The following PRIM2 variants were observed in gnomAD, a reference collection of about 807,000 sequenced individuals.
PRIM2 encodes the protein DNA primase large subunit.
In PRIM2, 39 loss-of-function variants were observed where a neutral mutation model predicts 67.3. The ratio of observed to expected loss-of-function variants is 0.58; its 90% CI spans 0.45 to 0.76. PRIM2 has a LOEUF of 0.76. Ranked by LOEUF, PRIM2 falls within the 30% of genes least tolerant of loss-of-function variation. The probability of loss-of-function intolerance (pLI) is 0.00; values close to 1 mark genes in which losing one functional copy is unlikely to be tolerated. For missense variants in PRIM2, 398 were observed against 598.7 expected (o/e 0.66, Z 3.50); for synonymous variants, 143 against 198.7 (o/e 0.72, Z 2.36).
chr6:57,286,507 A>G, the PRIM2 span, among the ~76,000 whole-genome samples: 22 of 152,218 alleles, frequency 1.4e-4, no homozygotes, highest in African/African-American at 5.1e-4. Flanking sequence ...AACAATGGGG[A>G]AAAGATTCCC....
chr6:57,282,761 A>C, the PRIM2 span, among the ~76,000 whole-genome samples: 4 of 152,304 alleles, frequency 2.6e-5, no homozygotes, highest in Non-Finnish European at 4.4e-5. Context: ...GTGCAAAAGA[A>C]ACCAAACCTA....
intron 10 of PRIM2, among the ~76,000 whole-genome samples, chr6:57,550,393 T>A (rs1449921659): frequency 6.6e-6 from 1 of 152,148 alleles, no homozygotes; most frequent in Non-Finnish European, 1.5e-5. Context: ...AGGTTGGGCT[T>A]GCTTTCATGA....
intron 7 of PRIM2, among the ~76,000 whole-genome samples, chr6:57,401,555 T>C (rs1260079230): frequency 6.6e-6 from 1 of 152,208 alleles, no homozygotes; most frequent in Non-Finnish European, 1.5e-5. Flanking sequence ...GTGCTGGCTG[T>C]AGATTGCAGC....
At chr6:57,428,926 T>G (rs1771725523) in intron 7 of PRIM2, among the ~76,000 whole-genome samples, 1 of 152,166 alleles carries the variant, frequency 6.6e-6, no homozygotes, top group Non-Finnish European at 1.5e-5. Context: ...TCTATGAACC[T>G]TTACCACATG....
chr6:57,345,029 A>T (rs1473853840), intron 5 of PRIM2, among the ~76,000 whole-genome samples: 5 of 146,884 alleles, frequency 3.4e-5, no homozygotes, highest in Non-Finnish European at 7.5e-5. Context: ...TTGTATTCTT[A>T]TTGTTGATGG....
At chr6:57,500,383 C>T (rs1360605289) in intron 7 of PRIM2, among the ~76,000 whole-genome samples, 4 of 152,122 alleles carry the variant, frequency 2.6e-5, no homozygotes, top group Admixed American at 6.5e-5. Flanking sequence ...GTAGAACATT[C>T]GTGTATTTAC....
At chr6:57,347,493 C>T (rs942695272) in intron 5 of PRIM2, among the ~76,000 whole-genome samples, 1 of 152,196 alleles carries the variant, frequency 6.6e-6, no homozygotes, top group Non-Finnish European at 1.5e-5. Flanking sequence ...GTCGCCTAGG[C>T]TGGAGTGCAG....
At chr6:57,227,775 G>C in the PRIM2 span, among the ~76,000 whole-genome samples, 1 of 152,038 alleles carries the variant, frequency 6.6e-6, no homozygotes, top group Non-Finnish European at 1.5e-5. Flanking sequence ...CCTACAGGTA[G>C]TTTTGATACA....
intron 13 of PRIM2, among the ~76,000 whole-genome samples, chr6:57,634,952 A>G (rs1419777065): frequency 1.3e-5 from 2 of 152,028 alleles, no homozygotes; most frequent in Non-Finnish European, 2.9e-5. Context: ...TTAGATGTGA[A>G]TATCCTCCTT....
intron 7 of PRIM2, among the ~76,000 whole-genome samples, chr6:57,472,408 G>A (rs1554344724): frequency 7.2e-6 from 1 of 139,060 alleles, no homozygotes; most frequent in African/African-American, 2.6e-5. Flanking sequence ...AAAAAAAAAA[G>A]AAGAGAAAAG....
chr6:57,355,161 A>G (rs1172600861), intron 5 of PRIM2, among the ~76,000 whole-genome samples: 2 of 152,234 alleles, frequency 1.3e-5, no homozygotes, highest in Non-Finnish European at 2.9e-5. Context: ...AAAATTAGCT[A>G]GATGTGGTGG....
intron 13 of PRIM2, among the ~76,000 whole-genome samples, chr6:57,633,803 A>G (rs1361286371): frequency 1.3e-5 from 2 of 152,104 alleles, no homozygotes; most frequent in African/African-American, 4.8e-5. Flanking sequence ...CAGGAGGTGG[A>G]ACTCAGGCAG....
chr6:57,366,387 G>A (rs1445888574), intron 5 of PRIM2, among the ~76,000 whole-genome samples: 1 of 152,152 alleles, frequency 6.6e-6, no homozygotes, highest in Non-Finnish European at 1.5e-5. Context: ...AACTTTGATG[G>A]ACACAAAGAG....
At chr6:57,223,051 A>G in the PRIM2 span, among the ~76,000 whole-genome samples, 1 of 152,220 alleles carries the variant, frequency 6.6e-6, no homozygotes, top group African/African-American at 2.4e-5. Flanking sequence ...AACCCAAAAG[A>G]CCATCAACAA....
At chr6:57,487,780 C>T (rs1773788627) in intron 7 of PRIM2, among the ~76,000 whole-genome samples, 1 of 152,062 alleles carries the variant, frequency 6.6e-6, no homozygotes, top group Non-Finnish European at 1.5e-5. Flanking sequence ...GAGTGAAGCT[C>T]AGTCAATTAA....
intron 7 of PRIM2, among the ~76,000 whole-genome samples, chr6:57,477,237 C>T (rs1324543589): frequency 1.3e-5 from 2 of 152,186 alleles, no homozygotes; most frequent in Non-Finnish European, 2.9e-5. Context: ...AAGCAGTCCT[C>T]CCACCTCAGC....
At chr6:57,335,354 C>T (rs1768196874) in intron 5 of PRIM2, among the ~76,000 whole-genome samples, 2 of 152,372 alleles carry the variant, frequency 1.3e-5, no homozygotes, top group South Asian at 2.1e-4. Context: ...CTGGGTGGAG[C>T]CCACCACAGC....
chr6:57,561,842 G>A (rs1473106610), intron 10 of PRIM2, among the ~76,000 whole-genome samples: 1 of 152,146 alleles, frequency 6.6e-6, no homozygotes, highest in Non-Finnish European at 1.5e-5. Context: ...TCTCAAAGAG[G>A]CTAGCTGTCA....
At chr6:57,509,687 C>G (rs1171546758) in intron 8 of PRIM2, among the ~76,000 whole-genome samples, 3 of 152,012 alleles carry the variant, frequency 2.0e-5, no homozygotes, top group Non-Finnish European at 4.4e-5. Flanking sequence ...TCCTTCAACA[C>G]AACATGCTTT....
Sources: gnomAD v4.1 joint callset for allele counts (sites outside exome capture counted in the v4.1 genomes callset) on GRCh38, gnomAD v4.1.1 for gene constraint, MANE v1.5 for transcripts, NCBI Gene and HGNC (gene_info 2026-07-23, HGNC 2026-07-21) for gene names.